RSPH14: variants seen among roughly 807,000 people sequenced by gnomAD.
The protein encoded by RSPH14 is rhabdoid tumor deletion region gene 1.
Under a neutral mutation model 26.7 loss-of-function variants are expected in RSPH14, and 20 were observed. That is an observed-to-expected ratio of 0.75 (90% confidence interval 0.53 to 1.09). RSPH14 has a LOEUF of 1.09. Ranked by LOEUF, RSPH14 falls within the 50% of genes least tolerant of loss-of-function variation. The pLI, the probability that RSPH14 is intolerant of heterozygous loss-of-function variation, is 0.00. For synonymous variants in RSPH14, 177 were observed against 189.3 expected (o/e 0.93, Z 0.53); for missense variants, 449 against 457.2 (o/e 0.98, Z 0.16).
chr22:23,080,715 A>G (rs1394118266), intron 4 of RSPH14, among the ~76,000 whole-genome samples: 3 of 152,242 alleles, frequency 2.0e-5, no homozygotes, highest in Admixed American at 2.0e-4. Context: ...CAAGCCATGA[A>G]TCAGTGATGT....
chr22:23,139,094 T>C (rs2070541094), intron 2 of RSPH14, 152 bp from the exon 3 acceptor site: 1 of 627,440 alleles, frequency 1.6e-6, no homozygotes, highest in Non-Finnish European at 2.8e-6. Flanking sequence ...ATGTTGGTTA[T>C]GCAGCATTTC....
At chr22:23,103,008 G>A (rs1040199485) in intron 4 of RSPH14, among the ~76,000 whole-genome samples, 6 of 152,188 alleles carry the variant, frequency 3.9e-5, no homozygotes, top group Admixed American at 3.9e-4. Context: ...GAGGAGGGAG[G>A]AGAGAACAAG....
At chr22:23,095,578 G>T in intron 4 of RSPH14, 1 of 1,144,144 alleles carries the variant, frequency 8.7e-7, no homozygotes, top group Non-Finnish European at 1.2e-6. Context: ...CCCCCCTGCT[G>T]GCACTGAGTG....
chr22:23,070,263 C>A (rs1426117212), intron 4 of RSPH14: 7 of 147,768 alleles, frequency 4.7e-5, no homozygotes, highest in Admixed American at 4.0e-4. Flanking sequence ...GCGGCACCCC[C>A]CCGCCCGCGG....
At chr22:23,089,633 G>T (rs939435747) in intron 4 of RSPH14, among the ~76,000 whole-genome samples, 1 of 152,182 alleles carries the variant, frequency 6.6e-6, no homozygotes, top group Non-Finnish European at 1.5e-5. Flanking sequence ...ACTTGAGAGG[G>T]CCACGTCTGG....
At chr22:23,151,302 T>C in the RSPH14 span, among the ~76,000 whole-genome samples, 1 of 151,944 alleles carries the variant, frequency 6.6e-6, no homozygotes, top group Admixed American at 6.6e-5. Context: ...GCACTGGAGG[T>C]GGGGAAACTG....
At chr22:23,126,559 A>T (rs2070186384) in intron 4 of RSPH14, among the ~76,000 whole-genome samples, 1 of 152,228 alleles carries the variant, frequency 6.6e-6, no homozygotes, top group African/African-American at 2.4e-5. Context: ...TCCATTGAGC[A>T]GCTCAAGGCC....
At chr22:23,178,816 G>A in the RSPH14 span, among the ~76,000 whole-genome samples, 4 of 152,204 alleles carry the variant, frequency 2.6e-5, no homozygotes, top group Non-Finnish European at 5.9e-5. Context: ...TCAACATTTT[G>A]TACCGTGGCC....
At chr22:23,163,606 G>GCCCCCCCCCCCCCCCCCCCCCCCCC in the RSPH14 span, 23 of 125,230 alleles carry the variant, frequency 1.8e-4, 1 homozygote, top group Non-Finnish European at 3.4e-4. Flanking sequence ...CAAGGTGAAA[G>GCCCCCCCCCCCCCCCCCCCCCCCCC]CCCCCCCCCC....
At chr22:23,152,076 G>A in the RSPH14 span, among the ~76,000 whole-genome samples, 1 of 152,220 alleles carries the variant, frequency 6.6e-6, no homozygotes, top group East Asian at 1.9e-4. Context: ...TGGACCCTGT[G>A]TCTGCACCCT....
At chr22:23,149,068 C>G (rs539195507), upstream of RSPH14, among the ~76,000 whole-genome samples, 3 of 152,196 alleles carry the variant, frequency 2.0e-5, no homozygotes, top group African/African-American at 7.2e-5. Flanking sequence ...TCAATCACAG[C>G]TGGAACTGAG....
intron 4 of RSPH14, among the ~76,000 whole-genome samples, chr22:23,113,236 A>C (rs2069708789): frequency 6.6e-6 from 1 of 152,072 alleles, no homozygotes; most frequent in South Asian, 2.1e-4. Context: ...CCCCAGCGCC[A>C]CCTGGCCCTG....
chr22:23,125,617 G>A (rs3788347), intron 4 of RSPH14, among the ~76,000 whole-genome samples: 73,833 of 152,090 alleles, frequency 0.49, 18,769 homozygotes, highest in Non-Finnish European at 0.57. Flanking sequence ...GCACGGAGCC[G>A]GGCTCCTTAC....
chr22:23,161,072 A>G, the RSPH14 span: 1 of 1,510,336 alleles, frequency 6.6e-7, no homozygotes, highest in South Asian at 1.3e-5. Context: ...CATCCTCGTC[A>G]CCTGAGGCCT....
chr22:23,158,145 GT>G, the RSPH14 span: 1 of 1,550,968 alleles, frequency 6.4e-7, no homozygotes, highest in Non-Finnish European at 8.7e-7. Flanking sequence ...CGTGGTGGGT[GT>G]GAGTGACCAG....
At chr22:23,097,043 C>T (rs1249781700) in intron 4 of RSPH14, among the ~76,000 whole-genome samples, 1 of 152,070 alleles carries the variant, frequency 6.6e-6, no homozygotes, top group East Asian at 1.9e-4. Context: ...GTCTAGCACA[C>T]GAAGGGGGCC....
intron 4 of RSPH14, among the ~76,000 whole-genome samples, chr22:23,080,695 C>T (rs956030592): frequency 1.3e-5 from 2 of 152,248 alleles, no homozygotes; most frequent in African/African-American, 4.8e-5. Context: ...AACACGGAGT[C>T]ACATGTCCTC....
At position 23,111,810 on chromosome 22, in the gene RSPH14, T is replaced by A. The variant is rs542935130; in HGVS notation, c.421+22216A>T. Among the ~76,000 whole-genome samples, 133 of 152,240 alleles carry A rather than the reference T, an allele frequency of 8.7e-4. 1 individual carries two copies. The highest frequency in any genetic ancestry group is 3.1e-3 in the African/African-American group (130 of 41,552). ...CAAGCCCCTTTGGACTTAACCCTGT[T>A]TGTGACAGCCCTGGTCCCTGACAGT... On this transcript the variant is annotated intron_variant, in intron 4 of 6. Transcript: ENST00000216036.
intron 4 of RSPH14, among the ~76,000 whole-genome samples, chr22:23,068,369 C>T (rs974680221): frequency 1.3e-5 from 2 of 152,248 alleles, no homozygotes; most frequent in African/African-American, 4.8e-5. Flanking sequence ...AAGGCCCAAT[C>T]GTTGTTTGCT....
Sources: allele counts gnomAD v4.1 joint callset (sites outside exome capture counted in the v4.1 genomes callset), GRCh38; gene constraint gnomAD v4.1.1; transcripts MANE v1.5; gene names NCBI Gene and HGNC (gene_info 2026-07-23, HGNC 2026-07-21).